Variants in ZYX observed in about 807,000 individuals in gnomAD.
ZYX encodes the protein zyxin-2.
ZYX carries 37 observed loss-of-function variants against 58.1 expected under a neutral mutation model. That is an observed-to-expected ratio of 0.64 (90% CI 0.49 to 0.84). ZYX has a LOEUF of 0.84. ZYX is among the 40% of genes least tolerant of loss of function. The pLI, the probability that ZYX is intolerant of heterozygous loss-of-function variation, is 0.00. For synonymous variants in ZYX, 324 were observed against 321.1 expected, an observed-to-expected ratio of 1.01 and a Z score of -0.10; for missense variants, 762 against 761.6, an observed-to-expected ratio of 1.00 and a Z score of -0.01.
In ZYX at chr7:143,390,561, CCCTT is replaced by C; in HGVS notation, c.1615-11_1615-8del. On this transcript the variant is annotated splice_polypyrimidine_tract_variant and intron_variant, in intron 9 of 9. Transcript: ENST00000322764. The surrounding 1 kb of genome is among the most constrained non-coding windows in gnomAD (Gnocchi z 4.3). Reference sequence around the variant, plus strand: ...GGGCCTTCCGGTCCAGTGCCCCTCACCCTTCCTTCTTCCCAGGACTGCGGGAAGC... The same window carrying C: ...GGGCCTTCCGGTCCAGTGCCCCTCACCCTTCTTCCCAGGACTGCGGGAAGC... 2.6e-6 allele frequency: 4 copies of C among 1,549,910 alleles called. No individual in the cohort carries two copies. Among genetic ancestry groups the C allele is most frequent in the Non-Finnish European group, 3.5e-6 (4 of 1,143,984 alleles).
intron 5 of ZYX, 110 bp downstream of exon 5, chr7:143,383,432 G>A (rs1025837279): frequency 1.2e-5 from 16 of 1,307,418 alleles, no homozygotes; most frequent in Non-Finnish European, 5.1e-6. Flanking sequence ...GGACACGGGG[G>A]TTGCGGGGTG....
intron 5 of ZYX, among the ~76,000 whole-genome samples, chr7:143,385,377 AGT>A (rs951140222): frequency 2.0e-5 from 3 of 150,066 alleles, no homozygotes; most frequent in Non-Finnish European, 4.4e-5. Flanking sequence ...TGTGTGTGTT[AGT>A]GTGTGGGTGT....
Position 143,387,434 on chromosome 7 carries a change from TG to T in ZYX, c.1024-782del, listed in dbSNP as rs1804903629. Among the ~76,000 whole-genome samples, 2 of 152,142 alleles carry T rather than the reference TG, an allele frequency of 1.3e-5. No individual in the cohort carries two copies. Among genetic ancestry groups the T allele is most frequent in the Admixed American group, 1.3e-4 (2 of 15,284 alleles). On this transcript the variant is annotated intron_variant, in intron 5 of 9. Coordinates refer to ENST00000322764, the MANE Select transcript of ZYX (RefSeq NM_003461.5). This position sits in a 1 kb window ranked among gnomAD's most constrained non-coding sequence, Gnocchi z 5.8. ...GACCCACCCAGTGCACTTGCTCCTG[TG>T]GGCGTGTCTCCCGGCAGTGCTGATG...
chr7:143,385,093 C>T (rs1804807166), intron 5 of ZYX, among the ~76,000 whole-genome samples: 1 of 152,176 alleles, frequency 6.6e-6, no homozygotes, highest in South Asian at 2.1e-4. Flanking sequence ...AGTCAGGGTG[C>T]ACTTGGAGAA....
rs1354186324 is a variant in ZYX, at chr7:143,387,743, T to C, written c.1024-476T>C. ...TTTAACCTGCAATTCCTGCCTGTGT[T>C]GTATCCTCACGCTGACAGGGGCTGC... On this transcript the variant is annotated intron_variant, in intron 5 of 9. Transcript: ENST00000322764. This position sits in a 1 kb window ranked among gnomAD's most constrained non-coding sequence, Gnocchi z 5.8. 2.1e-6 allele frequency: 1 copy of C among 471,584 alleles called. No homozygotes were observed. The allele number at this position is 471,584 out of a possible 1,614,324, so 29.2% of individuals were successfully genotyped here.
chr7:143,382,726 G>A (rs752370760), intron 4 of ZYX, 41 bp downstream of exon 4: 63 of 1,613,942 alleles, frequency 3.9e-5, no homozygotes, highest in Non-Finnish European at 4.7e-5. Context: ...CTCAGGGCCA[G>A]AGAGACTGGG....
rs149612280 is a variant in ZYX at position 143,387,711 on chromosome 7, C to T, written c.1024-508C>T. The stretch of plus-strand genomic sequence containing the variant: ...TGGGGCTGGGTTCTTGCAGACAGCT[C>T]AGTGGGTTTAACCTGCAATTCCTGC... On this transcript the variant is annotated intron_variant, in intron 5 of 9. Coordinates refer to ENST00000322764, the MANE Select transcript of ZYX (RefSeq NM_003461.5). This position sits in a 1 kb window ranked among gnomAD's most constrained non-coding sequence, Gnocchi z 5.8. The T allele has an allele frequency of 3.4e-3, 1,602 of 471,214 alleles. 11 individuals carry two copies. Among genetic ancestry groups the T allele is most frequent in the Non-Finnish European group, 5.4e-3 (1,228 of 227,030 alleles). The allele number at this position is 471,214 out of a possible 1,614,324, so 29.2% of individuals were successfully genotyped here. A position where few individuals can be genotyped will look rare whatever the true frequency, so the allele number is the denominator to read the frequency against.
chr7:143,390,969 C>A lies in ZYX; in HGVS notation c.*287C>A. On this transcript the variant is annotated 3_prime_UTR_variant, in exon 10 of 10. Transcript: ENST00000322764. The surrounding 1 kb of genome is among the most constrained non-coding windows in gnomAD (Gnocchi z 4.3). ...TAGTGCTGCTGCTTTCACTGCTGCA[C>A]CCGCGCCCTCGGCCGGCCCCCCGAG... 2.3e-6 allele frequency: 1 copy of A among 435,586 alleles called. No individual in the cohort carries two copies. Among genetic ancestry groups the A allele is most frequent in the South Asian group, 2.6e-5 (1 of 38,180 alleles). 27.0% of individuals were successfully genotyped at this position (435,586 alleles called of 1,614,324 possible).
chr7:143,382,869 A>C lies in ZYX; in HGVS notation c.570A>C (p.Ala190=). 1.2e-6 allele frequency: 2 copies of C among 1,612,894 alleles called. No individual in the cohort carries two copies. Among genetic ancestry groups the C allele is most frequent in the Non-Finnish European group, 1.7e-6 (2 of 1,179,450 alleles). Residue 190 remains alanine (A), a synonymous_variant, in exon 5 of 10, where the codon GCA becomes GCC. Coordinates refer to ENST00000322764, the MANE Select transcript of ZYX (RefSeq NM_003461.5). The part of the protein sequence containing the change: ...PFSSKSSTKP[A]AGGTAPLPPW... The stretch of plus-strand genomic sequence containing the variant: ...GTTCCAAGTCCAGTACCAAGCCTGC[A>C]GCCGGGGGCACAGCACCCCTGCCTC...
At chr7:143,382,055 C>G in intron 2 of ZYX, 193 bp from the exon 3 acceptor site, 1 of 612,790 alleles carries the variant, frequency 1.6e-6, no homozygotes, top group South Asian at 2.1e-5. Flanking sequence ...GGGAGCTGCA[C>G]CACTCCTCGG....
At chr7:143,382,119 C>A in intron 2 of ZYX, 129 bp from the exon 3 acceptor site, 1 of 820,970 alleles carries the variant, frequency 1.2e-6, no homozygotes, top group Non-Finnish European at 1.9e-6. Flanking sequence ...TGCGCCCCTC[C>A]TTTGCTTCCC....
In ZYX at chr7:143,381,753, G is replaced by C. The variant is rs1237695017; in HGVS notation, c.182G>C (p.Gly61Ala). Residue 61 changes from glycine (G) to alanine (A), a missense_variant, in exon 2 of 10, where the codon GGC becomes GCC. Gly to Ala is a moderately conservative substitution (Grantham distance 60, BLOSUM62 0). Transcript: ENST00000322764. ...GAQRAQMGRV[G>A]EIPPPPPEDF... ...CAGCGCGCACAGATGGGCCGGGTGG[G>C]CGAGATTCCCCCGCCGCCCCCGGAA... is the stretch of plus-strand genomic sequence containing the variant. 6.3e-7 allele frequency: 1 copy of C among 1,586,402 alleles called. No individual in the cohort carries two copies. The highest frequency in any genetic ancestry group is 2.3e-5 in the East Asian group (1 of 42,620).
chr7:143,384,153 G>C lies in ZYX; in HGVS notation c.1023+831G>C, dbSNP rs1255372205. ...TGACCCTGATGGTCATCTAGTCCAA[G>C]CATCCAGAGTCCACTGATAGTGTTG... On this transcript the variant is annotated intron_variant, in intron 5 of 9. Transcript: ENST00000322764. This position sits in a 1 kb window ranked among gnomAD's most constrained non-coding sequence, Gnocchi z 4.9. The C allele has an allele frequency of 4.2e-6, 2 of 470,612 alleles. No individual in the cohort carries two copies. The highest frequency in any genetic ancestry group is 3.1e-5 in the South Asian group (2 of 64,338). 29.2% of individuals were successfully genotyped at this position (470,612 alleles called of 1,614,324 possible). A position where few individuals can be genotyped will look rare whatever the true frequency, so the allele number is the denominator to read the frequency against.
chr7:143,383,434 T>G (rs1804734589), intron 5 of ZYX, 112 bp downstream of exon 5: 10 of 1,262,654 alleles, frequency 7.9e-6, no homozygotes, highest in Non-Finnish European at 1.1e-5. Context: ...ACACGGGGGT[T>G]GCGGGGTGGC....
Position 143,381,580 on chromosome 7 carries a change from C to T in ZYX, c.9C>T (p.Ala3=), listed in dbSNP as rs763944977. The stretch of plus-strand genomic sequence containing the variant: ...AGCAGCCCGGCCCGGCCATGGCGGC[C>T]CCCCGCCCGTCTCCCGCGATCTCCG... The part of the protein sequence containing the change: MA[A]PRPSPAISVS... The change falls in exon 2 of 10, where the codon GCC becomes GCT. Residue 3 remains alanine, a synonymous_variant. Transcript: ENST00000322764. 16 of 1,610,102 alleles carry T rather than the reference C, an allele frequency of 9.9e-6. No individual in the cohort carries two copies. The Admixed American group carries it at 1.2e-4, about 12-fold the overall frequency.
At chr7:143,381,536 T>C (rs1804578206) in intron 1 of ZYX, 21 bp from the exon 2 acceptor site, 1 of 1,594,094 alleles carries the variant, frequency 6.3e-7, no homozygotes, top group African/African-American at 1.3e-5. Flanking sequence ...CCGCGCTGCG[T>C]AACCCGGCGA....
chr7:143,382,982 C>G lies in ZYX; in HGVS notation c.683C>G (p.Pro228Arg). The G allele has an allele frequency of 6.2e-7, 1 of 1,613,612 alleles. No homozygotes were observed. The highest frequency in any genetic ancestry group is 8.5e-7 in the Non-Finnish European group (1 of 1,179,644). Residue 228 changes from proline (P) to arginine (R), a missense_variant, in exon 5 of 10, where the codon CCC becomes CGC. Coordinates refer to ENST00000322764, the MANE Select transcript of ZYX (RefSeq NM_003461.5). Reference sequence around the variant, plus strand: ...ACACAGTTCCATGTTCAGCCCCAGCCCCAGCCCAAGCCTCAGGTCCAACTC... The same window carrying G: ...ACACAGTTCCATGTTCAGCCCCAGCGCCAGCCCAAGCCTCAGGTCCAACTC... Reference protein sequence around the residue: ...SQTQFHVQPQPQPKPQVQLHV... With the variant: ...SQTQFHVQPQRQPKPQVQLHV...
rs374391186 is a variant in ZYX, at chr7:143,384,732, T to A, written c.1023+1410T>A. ...GGGATGAGCAATTGGAAGACAAGGG[T>A]GAGGGGAAGAGGGAAAAAAAAGTCT... is the stretch of plus-strand genomic sequence containing the variant. On this transcript the variant is annotated intron_variant, in intron 5 of 9. Transcript: ENST00000322764. The surrounding 1 kb of genome is among the most constrained non-coding windows in gnomAD (Gnocchi z 4.9). Among the ~76,000 whole-genome samples, 5 of 151,182 alleles carry A rather than the reference T, an allele frequency of 3.3e-5. No homozygotes were observed. Among genetic ancestry groups the A allele is most frequent in the Non-Finnish European group, 5.9e-5 (4 of 67,836 alleles).
At chr7:143,383,402 G>A (rs1367044047) in intron 5 of ZYX, 80 bp downstream of exon 5, 42 of 1,483,026 alleles carry the variant, frequency 2.8e-5, no homozygotes, top group Non-Finnish European at 2.1e-5. Flanking sequence ...ATAAGCATAA[G>A]GTGATTGGAG....
Sources: gnomAD v4.1 joint callset for allele counts (sites outside exome capture counted in the v4.1 genomes callset) on GRCh38, gnomAD v4.1.1 for gene constraint, Gnocchi (gnomAD v3.1) non-coding constraint, MANE v1.5 for transcripts, NCBI Gene and HGNC (gene_info 2026-07-23, HGNC 2026-07-21) for gene names.